The following RYK variants were observed in gnomAD, a reference collection of about 807,000 sequenced individuals.
The protein encoded by RYK is receptor like tyrosine kinase.
RYK carries 21 observed loss-of-function variants against 70.2 expected under a neutral mutation model. The observed-to-expected ratio is 0.30, with a 90% CI of 0.21 to 0.43. RYK has a LOEUF of 0.43. Ranked by LOEUF, RYK falls within the 20% of genes least tolerant of loss-of-function variation. The pLI is 1.00. For missense variants in RYK, 604 were observed against 753.3 expected (o/e 0.80, Z 2.32); for synonymous variants, 267 against 278.0 (o/e 0.96, Z 0.39).
chr3:134,180,594 T>C (rs2013262535), intron 10 of RYK: 1 of 152,212 alleles, frequency 6.6e-6, no homozygotes, highest in Non-Finnish European at 1.5e-5. Context: ...AAATGGGTAC[T>C]GAATGAATTA....
At chr3:134,198,455 C>T (rs1305343044) in intron 6 of RYK, among the ~76,000 whole-genome samples, 1 of 152,200 alleles carries the variant, frequency 6.6e-6, no homozygotes, top group Non-Finnish European at 1.5e-5. Context: ...GACTGTGACC[C>T]CTACATTCCA....
At chr3:134,239,467 G>C (rs929576142) in intron 1 of RYK, among the ~76,000 whole-genome samples, 3 of 151,602 alleles carry the variant, frequency 2.0e-5, no homozygotes, top group African/African-American at 7.3e-5. Context: ...GTCTCAAAAA[G>C]GGGGAAAAAA....
intron 1 of RYK, 77 bp downstream of exon 1, chr3:134,250,346 C>A: frequency 1.1e-6 from 1 of 929,854 alleles, no homozygotes; most frequent in Non-Finnish European, 1.4e-6. Context: ...CCACGGCTCG[C>A]AGACTGATCC....
chr3:134,239,277 C>A (rs2015262136), intron 1 of RYK, among the ~76,000 whole-genome samples: 1 of 152,018 alleles, frequency 6.6e-6, no homozygotes, highest in African/African-American at 2.4e-5. Context: ...CTGGGCAGCA[C>A]AGGGAGACCT....
At chr3:134,161,041 C>G (rs537347586) in intron 13 of RYK, among the ~76,000 whole-genome samples, 1 of 152,138 alleles carries the variant, frequency 6.6e-6, no homozygotes, top group Non-Finnish European at 1.5e-5. Flanking sequence ...ACATGGAAAT[C>G]TGAGTCAACA....
At chr3:134,174,806 A>G (rs2013040240) in intron 13 of RYK, among the ~76,000 whole-genome samples, 1 of 152,174 alleles carries the variant, frequency 6.6e-6, no homozygotes, top group African/African-American at 2.4e-5. Context: ...GCTAAGTGGC[A>G]AAACCACCCA....
chr3:134,180,457 G>C (rs2013259105), intron 10 of RYK: 1 of 152,082 alleles, frequency 6.6e-6, no homozygotes, highest in Admixed American at 6.5e-5. Context: ...CATACCACAA[G>C]GTAAAATCTA....
At position 134,184,362 on chromosome 3, in the gene RYK, C is replaced by T. The variant is rs573248838; in HGVS notation, c.1103-1291G>A. Among the ~76,000 whole-genome samples, 4 of 152,228 alleles carry T rather than the reference C, an allele frequency of 2.6e-5. No individual in the cohort carries two copies. The South Asian group carries it at 8.3e-4, about 32-fold the overall frequency. ...ATCTCCAAAGGAATTTTTAAGCCTTCAAATATTTGCACAAATCCACAAGGA... is the reference window on the plus strand; with the variant it reads ...ATCTCCAAAGGAATTTTTAAGCCTTTAAATATTTGCACAAATCCACAAGGA... On this transcript the variant is annotated intron_variant, in intron 9 of 14. Transcript: ENST00000623711.
chr3:134,235,117 C>G (rs577467973), intron 1 of RYK, among the ~76,000 whole-genome samples: 32 of 152,078 alleles, frequency 2.1e-4, no homozygotes, highest in African/African-American at 7.7e-4. Flanking sequence ...GACCACCGGG[C>G]AATGGTAAGA....
intron 1 of RYK, 60 bp downstream of exon 1, chr3:134,250,363 G>T: frequency 9.0e-7 from 1 of 1,113,098 alleles, no homozygotes; most frequent in Non-Finnish European, 1.2e-6. Flanking sequence ...ATCCGCCGGC[G>T]GCCGGAAGCT....
At chr3:134,249,917 G>GTTTTTTTTTTTTCTTTTTTTTTT (rs2015564539) in intron 1 of RYK, among the ~76,000 whole-genome samples, 1 of 93,366 alleles carries the variant, frequency 1.1e-5, no homozygotes, top group African/African-American at 5.3e-5. Flanking sequence ...TTTCTCTCTC[G>GTTTTTTTTTTTTCTTTTTTTTTT]TTTTTTTTTT....
At chr3:134,212,467 T>G (rs2014431782) in intron 2 of RYK, among the ~76,000 whole-genome samples, 1 of 152,184 alleles carries the variant, frequency 6.6e-6, no homozygotes, top group African/African-American at 2.4e-5. Flanking sequence ...GGTATCCCTC[T>G]CTCATTCAGT....
rs148077745 is a variant in RYK at position 134,196,497 on chromosome 3, T to C, written c.789-1315A>G. Among the ~76,000 whole-genome samples, 247 of 152,016 alleles carry C rather than the reference T, an allele frequency of 1.6e-3. 2 individuals carry two copies. The highest frequency in any genetic ancestry group is 1.7e-3 in the Non-Finnish European group (118 of 67,976). On this transcript the variant is annotated intron_variant, in intron 6 of 14. Transcript: ENST00000623711. ...GGTGTGAAGCCTGTAGCTGCAGCTA[T>C]TTGGAAGGCTGTTAGGCAGATCACT...
intron 1 of RYK, among the ~76,000 whole-genome samples, chr3:134,245,385 A>C (rs2015438433): frequency 1.3e-5 from 2 of 152,178 alleles, no homozygotes; most frequent in Non-Finnish European, 1.5e-5. Flanking sequence ...AAAAAAAAAA[A>C]ATCACAAAGA....
intron 1 of RYK, among the ~76,000 whole-genome samples, chr3:134,237,204 C>A (rs1453425652): frequency 6.6e-6 from 1 of 152,110 alleles, no homozygotes; most frequent in African/African-American, 2.4e-5. Context: ...TTCAACAGTT[C>A]AAAAATTTTT....
rs944225948 is a variant in RYK, at chr3:134,215,922, G to A, written c.355-4315C>T. ...GCATGGTGGTGGGCACATGCTACTC[G>A]GCTACTCGGAGGCTAAGGCAGGAGA... On this transcript the variant is annotated intron_variant, in intron 2 of 14. Coordinates refer to ENST00000623711, the MANE Select transcript of RYK (RefSeq NM_002958.4). 5.3e-5 allele frequency among the ~76,000 whole-genome samples: 8 copies of A among 151,720 alleles called. No homozygotes were observed. In the South Asian group the frequency reaches 1.0e-3, roughly 20 times the overall value.
At chr3:134,161,982 A>G (rs1472742385) in intron 13 of RYK, among the ~76,000 whole-genome samples, 1 of 152,090 alleles carries the variant, frequency 6.6e-6, no homozygotes, top group African/African-American at 2.4e-5. Flanking sequence ...CTGTAGGGGG[A>G]ATCTTTCCTT....
chr3:134,246,551 G>GAAA (rs906997541), intron 1 of RYK, among the ~76,000 whole-genome samples: 3 of 151,610 alleles, frequency 2.0e-5, no homozygotes, highest in Non-Finnish European at 2.9e-5. Context: ...CAAAAAAACA[G>GAAA]AAAAAAAGAG....
chr3:134,228,599 A>G (rs2014971451), intron 1 of RYK, among the ~76,000 whole-genome samples: 2 of 152,240 alleles, frequency 1.3e-5, no homozygotes, highest in African/African-American at 4.8e-5. Flanking sequence ...ACACAGAAAG[A>G]CAAATACCGC....
Sources: gnomAD v4.1 joint callset for allele counts (sites outside exome capture counted in the v4.1 genomes callset) on GRCh38, gnomAD v4.1.1 for gene constraint, MANE v1.5 for transcripts, NCBI Gene and HGNC (gene_info 2026-07-23, HGNC 2026-07-21) for gene names.